The following PLBD1 variants were observed in gnomAD, a reference collection of about 807,000 sequenced individuals.
PLBD1 encodes the protein lysosomal leucine aminopeptidase.
PLBD1 carries 60 observed loss-of-function variants against 63.0 expected under a neutral mutation model. The ratio of observed to expected loss-of-function variants is 0.95; its 90% CI spans 0.77 to 1.18. The LOEUF (loss-of-function observed/expected upper bound fraction) is 1.18, where lower values mean the gene tolerates loss of function less well. Among genes scored for constraint, PLBD1 ranks in the 50% most tolerant of loss-of-function variants. PLBD1 has a pLI of 0.00. For synonymous variants in PLBD1, 262 were observed against 248.0 expected, an observed-to-expected ratio of 1.06 and a Z score of -0.53; for missense variants, 598 against 677.9, an observed-to-expected ratio of 0.88 and a Z score of 1.31.
chr12:14,567,145 T>C (rs1476865525), intron 1 of PLBD1, among the ~76,000 whole-genome samples: 1 of 152,066 alleles, frequency 6.6e-6, no homozygotes, highest in Non-Finnish European at 1.5e-5. Flanking sequence ...CAGGCACGTA[T>C]CAAACTGACA....
At chr12:14,526,711 G>A (rs148733892) in intron 6 of PLBD1, among the ~76,000 whole-genome samples, 79 of 152,296 alleles carry the variant, frequency 5.2e-4, no homozygotes, top group African/African-American at 9.6e-4. Context: ...GGTGGGTCAC[G>A]TCTGTAATCC....
intron 6 of PLBD1, among the ~76,000 whole-genome samples, chr12:14,515,668 G>A (rs1370333919): frequency 6.6e-6 from 1 of 152,018 alleles, no homozygotes; most frequent in African/African-American, 2.4e-5. Flanking sequence ...TATTAAATAG[G>A]CAATTTTATA....
intron 1 of PLBD1, among the ~76,000 whole-genome samples, chr12:14,557,589 T>G (rs1385864772): frequency 1.3e-5 from 2 of 152,194 alleles, no homozygotes; most frequent in East Asian, 3.9e-4. Flanking sequence ...ATGCTCTCAC[T>G]TATAAGTAGG....
intron 6 of PLBD1, among the ~76,000 whole-genome samples, chr12:14,512,776 G>C (rs112200392): frequency 1.3e-5 from 2 of 152,130 alleles, no homozygotes; most frequent in Non-Finnish European, 2.9e-5. Flanking sequence ...AAGTTCCTTC[G>C]GTGCATCCTG....
At chr12:14,546,436 T>G (rs2136927529) in intron 2 of PLBD1, among the ~76,000 whole-genome samples, 1 of 152,210 alleles carries the variant, frequency 6.6e-6, no homozygotes, top group African/African-American at 2.4e-5. Context: ...AAACAAAAAA[T>G]TCATACTTTT....
intron 4 of PLBD1, among the ~76,000 whole-genome samples, chr12:14,540,015 TATATATATATATATATATATATATATA>T (rs1565577505): frequency 0.015 from 163 of 10,870 alleles, 11 homozygotes; most frequent in Admixed American, 0.016. Flanking sequence ...GCTATGCACA[TATATATATATATATATATATATATATA>T]TATATATATA....
intron 6 of PLBD1, among the ~76,000 whole-genome samples, chr12:14,531,792 C>T (rs1383882159): frequency 6.6e-6 from 1 of 152,050 alleles, no homozygotes; most frequent in Non-Finnish European, 1.5e-5. Flanking sequence ...TACCAACACT[C>T]GGCTGATTTT....
chr12:14,555,650 T>C (rs1945697629), intron 1 of PLBD1, among the ~76,000 whole-genome samples: 1 of 152,196 alleles, frequency 6.6e-6, no homozygotes, highest in Non-Finnish European at 1.5e-5. Flanking sequence ...CATTCGATGA[T>C]CCAGAGACCA....
chr12:14,511,401 C>T lies in PLBD1; in HGVS notation c.1046-1G>A, dbSNP rs768397186. ...ACCATGTATTGATTGTTATAGGTGC[C>T]TGAAATATCAGGAAACATGAAGACG... On this transcript the variant is annotated splice_acceptor_variant, in intron 7 of 10. Transcript: ENST00000240617. LOFTEE classifies it high-confidence loss of function. 3 of 1,613,054 alleles carry T rather than the reference C, an allele frequency of 1.9e-6. No homozygotes were observed. In the East Asian group the frequency reaches 6.7e-5, roughly 36 times the overall value.
chr12:14,567,649 T>C lies in PLBD1; in HGVS notation c.48A>G (p.Pro16=), dbSNP rs7954623. 1,468,745 of 1,497,862 alleles carry C rather than the reference T, an allele frequency of 0.98. 721,348 individuals are homozygous for C. The highest frequency in any genetic ancestry group is 0.99 in the Non-Finnish European group (1,122,289 of 1,132,512). The allele number at this position is 1,497,862 out of a possible 1,614,324, so 92.8% of individuals were successfully genotyped here. A position where few individuals can be genotyped will look rare whatever the true frequency, so the allele number is the denominator to read the frequency against. The part of the protein sequence containing the change: ...PGGRPGLPQP[P]PLLLLLLLLP... ...GCAGCAGCAGCAGCAGCAGAAGCGG[T>C]GGCGGCTGTGGCAGCCCCGGGCGCC... The change falls in exon 1 of 11, where the codon CCA becomes CCG. Residue 16 remains proline, a synonymous_variant. Transcript: ENST00000240617.
chr12:14,528,085 G>A (rs920200358), intron 6 of PLBD1, among the ~76,000 whole-genome samples: 3 of 151,932 alleles, frequency 2.0e-5, no homozygotes, highest in Admixed American at 2.0e-4. Context: ...ATCTGCCATG[G>A]GATTAGAGAA....
At chr12:14,535,852 C>T in intron 5 of PLBD1, 49 bp from the exon 6 acceptor site, 1 of 1,571,970 alleles carries the variant, frequency 6.4e-7, no homozygotes, top group South Asian at 1.1e-5. Context: ...AGCTAACTGA[C>T]TGCAATTGTC....
intron 6 of PLBD1, among the ~76,000 whole-genome samples, chr12:14,533,598 T>C (rs992348465): frequency 6.6e-6 from 1 of 152,210 alleles, no homozygotes; most frequent in Non-Finnish European, 1.5e-5. Context: ...ACATAACATC[T>C]GAATATTGCA....
chr12:14,529,731 C>T (rs564507465), intron 6 of PLBD1, among the ~76,000 whole-genome samples: 23 of 152,244 alleles, frequency 1.5e-4, no homozygotes, highest in Non-Finnish European at 2.5e-4. Context: ...GATTTGCATG[C>T]TCACCACTTA....
chr12:14,540,751 T>C lies in PLBD1; in HGVS notation c.558+13A>G. 1.9e-6 allele frequency: 3 copies of C among 1,552,678 alleles called. No homozygotes were observed. The highest frequency in any genetic ancestry group is 2.3e-5 in the East Asian group (1 of 44,004). ...TACTCTATAAATTCTGAGAAGCTTG[T>C]TTAAAGTCCTACCTTTGTCCCTTCT... On this transcript the variant is annotated intron_variant, in intron 4 of 10. Transcript: ENST00000240617.
chr12:14,512,710 G>T (rs1945307451), intron 6 of PLBD1, among the ~76,000 whole-genome samples: 1 of 152,174 alleles, frequency 6.6e-6, no homozygotes, highest in Non-Finnish European at 1.5e-5. Context: ...TGGAACAACT[G>T]TCAGTGTTAA....
chr12:14,531,757 A>G (rs1945464337), intron 6 of PLBD1, among the ~76,000 whole-genome samples: 1 of 152,018 alleles, frequency 6.6e-6, no homozygotes, highest in Non-Finnish European at 1.5e-5. Flanking sequence ...CAGCCTCCCA[A>G]ATAGCTGGGA....
intron 6 of PLBD1, chr12:14,530,911 T>C (rs542511904): frequency 2.0e-5 from 3 of 152,346 alleles, no homozygotes; most frequent in African/African-American, 7.2e-5. Flanking sequence ...TTCAAAACCC[T>C]TCTTGTTAGG....
intron 6 of PLBD1, among the ~76,000 whole-genome samples, chr12:14,516,146 T>C (rs1945335256): frequency 6.6e-6 from 1 of 151,466 alleles, no homozygotes; most frequent in Non-Finnish European, 1.5e-5. Flanking sequence ...CTGACCAACA[T>C]GGTGAAACCC....
Sources: allele counts gnomAD v4.1 joint callset (sites outside exome capture counted in the v4.1 genomes callset), GRCh38; gene constraint gnomAD v4.1.1; transcripts MANE v1.5; gene names NCBI Gene and HGNC (gene_info 2026-07-23, HGNC 2026-07-21).